The following IGF2BP3 variants were observed in gnomAD, a reference collection of about 807,000 sequenced individuals.
The protein encoded by IGF2BP3 is insulin-like growth factor 2 mRNA-binding protein 3.
A neutral mutation model predicts 73.8 loss-of-function variants in IGF2BP3; 9 were observed. The observed-to-expected ratio is 0.12, with a 90% CI of 0.07 to 0.21. IGF2BP3 has a LOEUF of 0.21. Ranked by LOEUF, IGF2BP3 falls within the 10% of genes least tolerant of loss-of-function variation. The pLI is 1.00. For missense variants in IGF2BP3, 542 were observed against 714.0 expected (o/e 0.76, Z 2.75); for synonymous variants, 258 against 256.7 (o/e 1.01, Z -0.05).
At chr7:23,345,237 C>T (rs944214564) in intron 8 of IGF2BP3, among the ~76,000 whole-genome samples, 2 of 152,244 alleles carry the variant, frequency 1.3e-5, no homozygotes, top group African/African-American at 2.4e-5. Flanking sequence ...AATTTCAGAG[C>T]ATCCACAGAT....
At chr7:23,357,743 C>T (rs1177814763) in intron 5 of IGF2BP3, among the ~76,000 whole-genome samples, 1 of 152,200 alleles carries the variant, frequency 6.6e-6, no homozygotes, top group Non-Finnish European at 1.5e-5. Flanking sequence ...CTAAAATGAA[C>T]ACATGTATTA....
chr7:23,446,266 T>C (rs1488411860), intron 2 of IGF2BP3, among the ~76,000 whole-genome samples: 1 of 152,174 alleles, frequency 6.6e-6, no homozygotes, highest in African/African-American at 2.4e-5. Context: ...TTCCAAATAA[T>C]AAATGTAGAT....
intron 3 of IGF2BP3, among the ~76,000 whole-genome samples, chr7:23,399,955 T>A (rs2128525165): frequency 6.6e-6 from 1 of 152,122 alleles, no homozygotes; most frequent in East Asian, 1.9e-4. Flanking sequence ...ATGAGCCAGT[T>A]TTTTTTTCCC....
At chr7:23,374,451 G>C (rs77455251) in intron 3 of IGF2BP3, among the ~76,000 whole-genome samples, 1,857 of 152,158 alleles carry the variant, frequency 0.012, 13 homozygotes, top group Non-Finnish European at 0.019. Flanking sequence ...TTGAAGCAAG[G>C]GATCAATTGA....
intron 2 of IGF2BP3, among the ~76,000 whole-genome samples, chr7:23,437,019 T>A (rs1170387617): frequency 1.3e-5 from 2 of 151,960 alleles, no homozygotes; most frequent in Non-Finnish European, 1.5e-5. Context: ...TTTAGGAAGC[T>A]GAGGCAGGAG....
chr7:23,348,265 C>T (rs1784880449), intron 6 of IGF2BP3, among the ~76,000 whole-genome samples: 2 of 152,292 alleles, frequency 1.3e-5, no homozygotes, highest in Non-Finnish European at 2.9e-5. Context: ...GGAATGGAAC[C>T]TGGACAGATG....
chr7:23,373,970 G>A (rs1417245729), intron 3 of IGF2BP3, among the ~76,000 whole-genome samples: 1 of 152,222 alleles, frequency 6.6e-6, no homozygotes, highest in Non-Finnish European at 1.5e-5. Context: ...TTCACCATGA[G>A]TAAATGCTTT....
At chr7:23,465,423 T>C (rs1237448572) in intron 2 of IGF2BP3, among the ~76,000 whole-genome samples, 1 of 152,228 alleles carries the variant, frequency 6.6e-6, no homozygotes, top group Non-Finnish European at 1.5e-5. Context: ...GGTATCTGAA[T>C]GCAGAAAAGC....
chr7:23,444,808 G>A (rs187489820), intron 2 of IGF2BP3, among the ~76,000 whole-genome samples: 25 of 151,670 alleles, frequency 1.6e-4, no homozygotes, highest in African/African-American at 6.1e-4. Context: ...GGTGGCTCAT[G>A]CCAGTAATCC....
rs1468798013 is a variant in IGF2BP3, at chr7:23,469,966, A to T, written c.145T>A (p.Trp49Arg). Residue 49 changes from tryptophan (W) to arginine (R), a missense_variant, in exon 1 of 15, where the codon TGG becomes AGG. Around this residue, in one of 2 missense-constraint regions of IGF2BP3, gnomAD observed 239 missense variants for 241.9 expected, o/e 0.99. Transcript: ENST00000258729. This position sits in a 1 kb window ranked among gnomAD's most constrained non-coding sequence, Gnocchi z 6.1. ...AGCGCCTCGATGGCCTTGAGGGCCCAGCTCTCGTCCGGGCAGTCCACGAAC... is the reference window on the plus strand; with the variant it reads ...AGCGCCTCGATGGCCTTGAGGGCCCTGCTCTCGTCCGGGCAGTCCACGAAC... The part of the protein sequence containing the change: ...YAFVDCPDES[W>R]ALKAIEALSG... The T allele has an allele frequency of 6.2e-7, 1 of 1,611,752 alleles. No homozygotes were observed. Among genetic ancestry groups the T allele is most frequent in the East Asian group, 2.2e-5 (1 of 44,836 alleles).
At chr7:23,429,963 C>G (rs1319709020) in intron 2 of IGF2BP3, among the ~76,000 whole-genome samples, 1 of 152,150 alleles carries the variant, frequency 6.6e-6, no homozygotes, top group South Asian at 2.1e-4. Flanking sequence ...TGCTTACATA[C>G]AAATCAAGTG....
intron 3 of IGF2BP3, chr7:23,365,788 C>G (rs1018393359): frequency 6.6e-6 from 1 of 152,522 alleles, no homozygotes; most frequent in Non-Finnish European, 1.5e-5. Context: ...GATGTGTTCA[C>G]TGACATGAGG....
chr7:23,377,567 G>C (rs1046647508), intron 3 of IGF2BP3, among the ~76,000 whole-genome samples: 1 of 152,134 alleles, frequency 6.6e-6, no homozygotes, highest in Non-Finnish European at 1.5e-5. Flanking sequence ...AAAACTGTCT[G>C]GTTGTTCTTC....
chr7:23,454,122 A>G (rs1233826949), intron 2 of IGF2BP3, among the ~76,000 whole-genome samples: 3 of 152,038 alleles, frequency 2.0e-5, no homozygotes, highest in East Asian at 1.9e-4. Flanking sequence ...CCTAGATTGG[A>G]TATCTTTTTG....
Position 23,311,471 on chromosome 7 carries a change from CTT to C in IGF2BP3, c.*889_*890del, listed in dbSNP as rs1783827097. The C allele has an allele frequency of 2.0e-5, 3 of 152,564 alleles. No individual in the cohort carries two copies. In the South Asian group the frequency reaches 6.2e-4, roughly 32 times the overall value. The allele number at this position is 152,564 out of a possible 1,614,324, so 9.5% of individuals were successfully genotyped here. A position where few individuals can be genotyped will look rare whatever the true frequency, so the allele number is the denominator to read the frequency against. On this transcript the variant is annotated 3_prime_UTR_variant, in exon 15 of 15. Transcript: ENST00000258729. ...GCCGTTCCAAAATCTCCTGCGACCA[CTT>C]TGTTAGTACCGTCAAAAACTTTCCC...
chr7:23,334,388 T>C (rs1784520094), intron 10 of IGF2BP3, among the ~76,000 whole-genome samples: 1 of 152,200 alleles, frequency 6.6e-6, no homozygotes, highest in Non-Finnish European at 1.5e-5. Context: ...AACAAGCCTG[T>C]GTCAGGATTT....
intron 5 of IGF2BP3, among the ~76,000 whole-genome samples, chr7:23,352,345 A>G (rs1335937877): frequency 7.2e-6 from 1 of 138,496 alleles, no homozygotes; most frequent in Non-Finnish European, 1.5e-5. Context: ...CTGGAGCGCA[A>G]TAGAGCCATC....
chr7:23,460,223 C>T (rs1788417178), intron 2 of IGF2BP3, among the ~76,000 whole-genome samples: 1 of 142,782 alleles, frequency 7.0e-6, no homozygotes, highest in South Asian at 2.2e-4. Flanking sequence ...CTCACACTCA[C>T]CAGAAATGTT....
chr7:23,346,084 T>C (rs201572636), intron 7 of IGF2BP3, 22 bp from the exon 8 acceptor site: 5 of 1,594,704 alleles, frequency 3.1e-6, no homozygotes, highest in South Asian at 1.1e-5. Flanking sequence ...AAAGTGGCCA[T>C]AAAATTAGAA....
Sources: allele counts gnomAD v4.1 joint callset (sites outside exome capture counted in the v4.1 genomes callset), GRCh38; gene constraint gnomAD v4.1.1; regional missense constraint gnomAD v4.1.1; non-coding constraint Gnocchi (gnomAD v3.1); transcripts MANE v1.5; gene names NCBI Gene and HGNC (gene_info 2026-07-23, HGNC 2026-07-21).